RALGAPB: variants seen among roughly 807,000 people sequenced by gnomAD.
The protein encoded by RALGAPB is Ral GTPase activating protein non-catalytic subunit beta, also known as ral GTPase-activating protein subunit beta.
In RALGAPB, 25 loss-of-function variants were observed where a neutral mutation model predicts 161.1. The ratio of observed to expected loss-of-function variants is 0.16; its 90% CI spans 0.11 to 0.22. The LOEUF is 0.22. Ranked by LOEUF, RALGAPB falls within the 10% of genes least tolerant of loss-of-function variation. The pLI, the probability that RALGAPB is intolerant of heterozygous loss-of-function variation, is 1.00. For missense variants in RALGAPB, 1,391 were observed against 1,815.2 expected (o/e 0.77, Z 4.25); for synonymous variants, 629 against 626.1 (o/e 1.00, Z -0.07).
chr20:38,518,051 T>G (rs1393438860), intron 9 of RALGAPB, 51 bp downstream of exon 9: 1 of 1,528,272 alleles, frequency 6.5e-7, no homozygotes, highest in Non-Finnish European at 9.0e-7. Context: ...TTCCTTTTTC[T>G]TTTTCTTTTT....
intron 10 of RALGAPB, among the ~76,000 whole-genome samples, chr20:38,524,381 T>C (rs981938492): frequency 6.6e-6 from 1 of 152,230 alleles, no homozygotes; most frequent in African/African-American, 2.4e-5. Flanking sequence ...CCCCAGTTTA[T>C]TGAAAAGTAC....
chr20:38,566,550 T>G (rs1307006482), intron 25 of RALGAPB, among the ~76,000 whole-genome samples: 2 of 152,202 alleles, frequency 1.3e-5, no homozygotes, highest in African/African-American at 4.8e-5. Context: ...AGCTTCCTCC[T>G]ATTTCTGATA....
In RALGAPB at chr20:38,562,547, G is replaced by A. The variant is rs1475100856; in HGVS notation, c.3547G>A (p.Glu1183Lys). ...TGTATTTCAGATTTTAAAGAATGTG[G>A]AGTCTTCCAGAACTGTTCAGCCACA... ...KTNQEILKNV[E>K]SSRTVQPHFL... Residue 1183 changes from glutamate to lysine, a missense_variant, in exon 24 of 30, where the codon GAG becomes AAG. Physicochemically the swap from Glu to Lys is moderately conservative, Grantham distance 56. Coordinates refer to ENST00000262879, the MANE Select transcript of RALGAPB (RefSeq NM_020336.4). 1 of 1,603,554 alleles carries A rather than the reference G, an allele frequency of 6.2e-7. No homozygotes were observed. Among genetic ancestry groups the A allele is most frequent in the Non-Finnish European group, 8.5e-7 (1 of 1,175,148 alleles).
intron 13 of RALGAPB, among the ~76,000 whole-genome samples, chr20:38,530,429 A>G (rs2086618827): frequency 1.3e-5 from 2 of 151,482 alleles, no homozygotes; most frequent in Admixed American, 6.6e-5. Flanking sequence ...TTTATTTTTT[A>G]TTTATTTTTA....
intron 13 of RALGAPB, among the ~76,000 whole-genome samples, chr20:38,528,702 A>G (rs1433459500): frequency 6.7e-6 from 1 of 150,312 alleles, no homozygotes; most frequent in Non-Finnish European, 1.5e-5. Flanking sequence ...TTTTTTTGAG[A>G]TGGAGTCTCG....
chr20:38,551,183 A>T lies in RALGAPB; in HGVS notation c.3122A>T (p.Asp1041Val). ...EVDKIPFVKA[D>V]LSIPDLHEIV... ...GACAAGATTCCTTTTGTGAAAGCAG[A>T]TCTCAGCATTCCAGATTTGCATGAA... is the stretch of plus-strand genomic sequence containing the variant. The change falls in exon 21 of 30, where the codon GAT becomes GTT. Residue 1041 changes from aspartate to valine, a missense_variant. Transcript: ENST00000262879. 3 of 1,614,042 alleles carry T rather than the reference A, an allele frequency of 1.9e-6. No homozygotes were observed. The highest frequency in any genetic ancestry group is 1.7e-6 in the Non-Finnish European group (2 of 1,179,890).
In RALGAPB at chr20:38,517,407, A is replaced by G. The variant is rs535598952; in HGVS notation, c.1052-99A>G. The G allele has an allele frequency of 3.9e-5, 48 of 1,222,700 alleles. 1 individual carries two copies. The highest frequency in any genetic ancestry group is 3.0e-4 in the South Asian group (19 of 62,520). The allele number at this position is 1,222,700 out of a possible 1,614,324, so 75.7% of individuals were successfully genotyped here. A position where few individuals can be genotyped will look rare whatever the true frequency, so the allele number is the denominator to read the frequency against. ...CAACTAGCAATCTCTGCTATAGTCT[A>G]TGTGTCCCAAGCCTTCACTAGGTTA... is the stretch of plus-strand genomic sequence containing the variant. On this transcript the variant is annotated intron_variant, in intron 7 of 29. Coordinates refer to ENST00000262879, the MANE Select transcript of RALGAPB (RefSeq NM_020336.4).
At chr20:38,490,395 G>A (rs1280187894) in intron 2 of RALGAPB, among the ~76,000 whole-genome samples, 10 of 151,360 alleles carry the variant, frequency 6.6e-5, no homozygotes, top group Non-Finnish European at 1.5e-5. Context: ...TTTTTAGTAG[G>A]GACAGAGTTT....
intron 27 of RALGAPB, 60 bp downstream of exon 27, chr20:38,570,056 A>T: frequency 2.9e-6 from 4 of 1,383,314 alleles, no homozygotes; most frequent in African/African-American, 2.8e-5. Flanking sequence ...GACTTGCTAA[A>T]TGTCTACAGG....
intron 6 of RALGAPB, among the ~76,000 whole-genome samples, chr20:38,513,097 G>A (rs1396267621): frequency 6.6e-6 from 1 of 152,120 alleles, no homozygotes; most frequent in East Asian, 1.9e-4. Flanking sequence ...GCCAGGCACG[G>A]TGGCTCACGC....
chr20:38,546,558 G>A, intron 19 of RALGAPB, 128 bp downstream of exon 19: 1 of 1,289,916 alleles, frequency 7.8e-7, no homozygotes, highest in South Asian at 1.4e-5. Context: ...TCTAGCTGTG[G>A]GACAATAGCA....
At chr20:38,549,563 T>TATATATAC (rs1257286785) in intron 20 of RALGAPB, among the ~76,000 whole-genome samples, 8 of 115,358 alleles carry the variant, frequency 6.9e-5, no homozygotes, top group African/African-American at 1.6e-4. Flanking sequence ...TATATATATA[T>TATATATAC]ACACACACAC....
At chr20:38,473,919 C>CA (rs1438555399) in intron 1 of RALGAPB, among the ~76,000 whole-genome samples, 2 of 152,288 alleles carry the variant, frequency 1.3e-5, no homozygotes, top group Admixed American at 1.3e-4. Flanking sequence ...TTCTGCATCT[C>CA]AAAAAGCATC....
At chr20:38,484,993 T>C (rs1011144811) in intron 1 of RALGAPB, among the ~76,000 whole-genome samples, 3 of 152,166 alleles carry the variant, frequency 2.0e-5, no homozygotes, top group African/African-American at 7.2e-5. Flanking sequence ...CCACCACACC[T>C]GCCTGGTGAT....
intron 28 of RALGAPB, 98 bp downstream of exon 28, chr20:38,570,945 C>A: frequency 1.3e-6 from 1 of 776,378 alleles, no homozygotes; most frequent in Non-Finnish European, 2.1e-6. Context: ...GAGTTGTAGA[C>A]AACTAGAAAT....
At chr20:38,485,458 G>A (rs2085086245) in intron 1 of RALGAPB, among the ~76,000 whole-genome samples, 1 of 151,896 alleles carries the variant, frequency 6.6e-6, no homozygotes, top group African/African-American at 2.4e-5. Context: ...ATGGAGTCTT[G>A]CTCTTGTCAC....
At chr20:38,499,408 A>C (rs1436643989) in intron 4 of RALGAPB, 39 bp from the exon 5 acceptor site, 4 of 1,529,536 alleles carry the variant, frequency 2.6e-6, no homozygotes, top group Non-Finnish European at 3.5e-6. Context: ...TGCTTTAAAA[A>C]TAAGTTTGCC....
intron 6 of RALGAPB, among the ~76,000 whole-genome samples, chr20:38,511,960 C>T (rs2085974133): frequency 6.6e-6 from 1 of 152,128 alleles, no homozygotes; most frequent in Non-Finnish European, 1.5e-5. Flanking sequence ...GCGGGGGCTG[C>T]CCCCCACCTC....
intron 24 of RALGAPB, among the ~76,000 whole-genome samples, chr20:38,564,832 CTCTTCTCTCTCT>C (rs1467947888): frequency 6.6e-6 from 1 of 151,966 alleles, no homozygotes; most frequent in Non-Finnish European, 1.5e-5. Flanking sequence ...TGCACTCTCT[CTCTTCTCTCTCT>C]TCTTCTCTCT....
Sources: allele counts gnomAD v4.1 joint callset (sites outside exome capture counted in the v4.1 genomes callset), GRCh38; gene constraint gnomAD v4.1.1; transcripts MANE v1.5; gene names NCBI Gene and HGNC (gene_info 2026-07-23, HGNC 2026-07-21).